The following PALB2 variants were observed in gnomAD, a reference collection of about 807,000 sequenced individuals.
The protein encoded by PALB2 is mutant partner and localizer of BRCA2.
PALB2 carries 82 observed loss-of-function variants against 107.4 expected under a neutral mutation model. The observed-to-expected ratio is 0.76, with a 90% CI of 0.64 to 0.92. The LOEUF (loss-of-function observed/expected upper bound fraction) is 0.92. Among genes scored for constraint, PALB2 ranks in the 40% least tolerant of loss-of-function variants. The pLI is 0.00. For missense variants in PALB2, 1,374 were observed against 1,379.9 expected, an observed-to-expected ratio of 1.00 and a Z score of 0.07; for synonymous variants, 489 against 496.8, an observed-to-expected ratio of 0.98 and a Z score of 0.21.
rs567596173 is a variant in PALB2 at position 23,640,530 on chromosome 16, G to A, written c.48+580C>T. 6 of 225,190 alleles carry A rather than the reference G, an allele frequency of 2.7e-5. No individual in the cohort carries two copies. In the East Asian group the frequency reaches 3.8e-4, roughly 14 times the overall value. 13.9% of individuals were successfully genotyped at this position (225,190 alleles called of 1,614,324 possible). ...AAAAAGAAGAAAAACAGAAAAGGAAGAAAAAAGAAACAAAACGAGGGCACT... is the reference window on the plus strand; with the variant it reads ...AAAAAGAAGAAAAACAGAAAAGGAAAAAAAAAGAAACAAAACGAGGGCACT... On this transcript the variant is annotated intron_variant, in intron 1 of 12. Coordinates refer to ENST00000261584, the MANE Select transcript of PALB2 (RefSeq NM_024675.4).
At chr16:23,614,949 C>CTT (rs1288431746) in intron 10 of PALB2, among the ~76,000 whole-genome samples, 13 of 104,728 alleles carry the variant, frequency 1.2e-4, no homozygotes, top group African/African-American at 1.8e-4. Context: ...CGCGCCTGGC[C>CTT]TTTTTTTTTT....
At chr16:23,626,438 T>G (rs1306592016) in intron 6 of PALB2, 41 bp from the exon 7 acceptor site, 1 of 1,605,952 alleles carries the variant, frequency 6.2e-7, no homozygotes, top group African/African-American at 1.3e-5. Flanking sequence ...GGCACTCGAG[T>G]GCTGTTTTAT....
Position 23,634,906 on chromosome 16 carries a change from G to T in PALB2, c.1640C>A (p.Thr547Asn), listed in dbSNP as rs1597095364. The T allele has an allele frequency of 6.2e-7, 1 of 1,614,078 alleles. No individual in the cohort carries two copies. The highest frequency in any genetic ancestry group is 1.7e-5 in the Admixed American group (1 of 60,006). The change falls in exon 4 of 13, where the codon ACC (threonine) becomes AAC (asparagine). Residue 547 changes from threonine to asparagine, a missense_variant. Coordinates refer to ENST00000261584, the MANE Select transcript of PALB2 (RefSeq NM_024675.4). Reference sequence around the variant, plus strand: ...TTTTTCGTGCTGATATTTGTGTGAGGTGACTTCTTCCTTGGACCTGTTAAC... The same window carrying T: ...TTTTTCGTGCTGATATTTGTGTGAGTTGACTTCTTCCTTGGACCTGTTAAC... The part of the protein sequence containing the change: ...SIVNRSKEEV[T>N]SHKYQHEKLF...
rs45464500 is a variant in PALB2, at chr16:23,623,125, A to G, written c.2840T>C (p.Leu947Ser). ...GNLEIREIRA[L>S]FCSSDDESEK... ...ACTTTCATCATCAGAGGAACAAAAC[A>G]ATGCCCTAAGCCAAATATAAGGAAA... Residue 947 changes from leucine to serine, a missense_variant, in exon 9 of 13, where the codon TTG (leucine) becomes TCG (serine). By Grantham distance (145) the Leu-to-Ser change is moderately radical (BLOSUM62 -2). Coordinates refer to ENST00000261584, the MANE Select transcript of PALB2 (RefSeq NM_024675.4). 75 of 1,613,574 alleles carry G rather than the reference A, an allele frequency of 4.6e-5. No individual in the cohort carries two copies. The highest frequency in any genetic ancestry group is 6.1e-5 in the Non-Finnish European group (72 of 1,179,754).
intron 1 of PALB2, 76 bp from the exon 2 acceptor site, chr16:23,638,205 G>T: frequency 4.2e-6 from 5 of 1,192,926 alleles, no homozygotes; most frequent in Non-Finnish European, 5.0e-6. Context: ...AGTGCTTGGC[G>T]GGGTCCCTTG....
intron 10 of PALB2, among the ~76,000 whole-genome samples, chr16:23,617,369 T>A (rs910115601): frequency 6.6e-6 from 1 of 151,916 alleles, no homozygotes; most frequent in African/African-American, 2.4e-5. Context: ...TGAGACATGG[T>A]ACCTGTCTTC....
At position 23,639,200 on chromosome 16, in the gene PALB2, G is replaced by C. The variant is rs148717962; in HGVS notation, c.49-1071C>G. Among the ~76,000 whole-genome samples the C allele has an allele frequency of 2.6e-3, 396 of 152,062 alleles. 1 individual carries two copies. Among genetic ancestry groups the C allele is most frequent in the African/African-American group, 8.7e-3 (360 of 41,474 alleles). ...CATCTTTCAACCAACAAAACATCAAGATTTCCATCCTCCATACATGCCTTT... is the reference window on the plus strand; with the variant it reads ...CATCTTTCAACCAACAAAACATCAACATTTCCATCCTCCATACATGCCTTT... On this transcript the variant is annotated intron_variant, in intron 1 of 12. Coordinates refer to ENST00000261584, the MANE Select transcript of PALB2 (RefSeq NM_024675.4).
chr16:23,614,390 T>C (rs977497470), intron 10 of PALB2, among the ~76,000 whole-genome samples: 1 of 152,250 alleles, frequency 6.6e-6, no homozygotes, highest in East Asian at 1.9e-4. Context: ...ATCAGGCACA[T>C]GGTATAGCAG....
intron 12 of PALB2, 152 bp downstream of exon 12, chr16:23,607,712 T>A: frequency 1.0e-6 from 1 of 969,100 alleles, no homozygotes; most frequent in Non-Finnish European, 1.6e-6. Flanking sequence ...TCAAGTCCAC[T>A]AATCTTCATC....
rs746872839 is a variant in PALB2 at position 23,621,402 on chromosome 16, C to T, written c.3073G>A (p.Ala1025Thr). 24 of 1,614,080 alleles carry T rather than the reference C, an allele frequency of 1.5e-5. No individual in the cohort carries two copies. The highest frequency in any genetic ancestry group is 1.9e-5 in the Non-Finnish European group (23 of 1,179,978). Residue 1025 changes from alanine (A) to threonine (T), a missense_variant, in exon 10 of 13, where the codon GCT becomes ACT. Physicochemically the swap from Ala to Thr is moderately conservative, Grantham distance 58. Coordinates refer to ENST00000261584, the MANE Select transcript of PALB2 (RefSeq NM_024675.4). ...TTCATAATAGTAGTACCAAGCAGAG[C>T]TTCTTGCATCCCTTGGACCTCAGCA... is the stretch of plus-strand genomic sequence containing the variant. ...TFAEVQGMQE[A>T]LLGTTIMNNI... is the part of the protein sequence containing the mutation.
chr16:23,616,640 C>G (rs811892), intron 10 of PALB2, among the ~76,000 whole-genome samples: 7,719 of 152,002 alleles, frequency 0.051, 279 homozygotes, highest in East Asian at 0.17. Context: ...GCATCTCTCA[C>G]AGAGAATGGG....
At position 23,636,303 on chromosome 16, in the gene PALB2, C is replaced by T. The variant is rs1060502775; in HGVS notation, c.243G>A (p.Lys81=). The T allele has an allele frequency of 6.2e-7, 1 of 1,612,712 alleles. No homozygotes were observed. The highest frequency in any genetic ancestry group is 8.5e-7 in the Non-Finnish European group (1 of 1,179,318). ...CATCAAGATGGGTTTTGATGTGTAACTTGTCATAAACACATATTTTATTTT... is the reference window on the plus strand; with the variant it reads ...CATCAAGATGGGTTTTGATGTGTAATTTGTCATAAACACATATTTTATTTT... ...EPKNKICVYD[K]LHIKTHLDEE... The change falls in exon 4 of 13, where the codon AAG becomes AAA. Residue 81 remains lysine (K), a synonymous_variant. Coordinates refer to ENST00000261584, the MANE Select transcript of PALB2 (RefSeq NM_024675.4).
rs188273089 is a variant in PALB2, at chr16:23,629,352, T to C, written c.2515-77A>G. On this transcript the variant is annotated intron_variant, in intron 5 of 12. Coordinates refer to ENST00000261584, the MANE Select transcript of PALB2 (RefSeq NM_024675.4). ...CCTGCATTACCCACTCATCAAAATGTCTACTTCGTATTGTCTTTATTTCCT... is the reference window on the plus strand; with the variant it reads ...CCTGCATTACCCACTCATCAAAATGCCTACTTCGTATTGTCTTTATTTCCT... 143 of 1,290,016 alleles carry C rather than the reference T, an allele frequency of 1.1e-4. 1 individual carries two copies. The African/African-American group carries it at 2.0e-3, about 18-fold the overall frequency. 79.9% of individuals were successfully genotyped at this position (1,290,016 alleles called of 1,614,324 possible).
At chr16:23,608,098 A>AAAC in intron 11 of PALB2, 86 bp from the exon 12 acceptor site, 1 of 1,420,840 alleles carries the variant, frequency 7.0e-7, no homozygotes, top group Non-Finnish European at 9.8e-7. Flanking sequence ...CAAAAACCAA[A>AAAC]CAATTAAAGC....
chr16:23,629,685 G>C lies in PALB2; in HGVS notation c.2469C>G (p.Leu823=), dbSNP rs515726087. The change falls in exon 5 of 13, where the codon CTC becomes CTG. Residue 823 remains leucine, a synonymous_variant. Transcript: ENST00000261584. ...IESFTFKENQ[L]CRNTCQELHK... Reference sequence around the variant, plus strand: ...GCAGCTCCTGGCATGTGTTTCTACAGAGCTGATTTTCTTTAAAAGTGAATG... The same window carrying C: ...GCAGCTCCTGGCATGTGTTTCTACACAGCTGATTTTCTTTAAAAGTGAATG... 6 of 1,614,212 alleles carry C rather than the reference G, an allele frequency of 3.7e-6. No individual in the cohort carries two copies. Among genetic ancestry groups the C allele is most frequent in the Non-Finnish European group, 8.5e-7 (1 of 1,180,042 alleles).
At chr16:23,612,720 G>T (rs932621243) in intron 11 of PALB2, among the ~76,000 whole-genome samples, 4 of 151,310 alleles carry the variant, frequency 2.6e-5, no homozygotes, top group Non-Finnish European at 4.4e-5. Context: ...TAGTGATGGG[G>T]TTTTGCCACA....
In PALB2 at chr16:23,629,902, G is replaced by A. The variant is rs765558283; in HGVS notation, c.2252C>T (p.Ala751Val). ...TTGGGGTGTGCAGCAAGTTCGTCCAGCAACTTCTGTAGATGCTTTTTCATA... is the reference window on the plus strand; with the variant it reads ...TTGGGGTGTGCAGCAAGTTCGTCCAACAACTTCTGTAGATGCTTTTTCATA... The part of the protein sequence containing the change: ...GSYEKASTEV[A>V]GRTCCTPQLA... Residue 751 changes from alanine to valine, a missense_variant, in exon 5 of 13, where the codon GCT (alanine) becomes GTT (valine). Physicochemically the swap from Ala to Val is moderately conservative, Grantham distance 64 (BLOSUM62 0). Coordinates refer to ENST00000261584, the MANE Select transcript of PALB2 (RefSeq NM_024675.4). 6.2e-7 allele frequency: 1 copy of A among 1,614,168 alleles called. No individual in the cohort carries two copies. The highest frequency in any genetic ancestry group is 8.5e-7 in the Non-Finnish European group (1 of 1,180,032).
Position 23,603,308 on chromosome 16 carries a change from T to TA in PALB2, c.*150dup. 4.5e-6 allele frequency: 3 copies of TA among 661,992 alleles called. No homozygotes were observed. In the East Asian group the frequency reaches 8.2e-5, roughly 18 times the overall value. 41.0% of individuals were successfully genotyped at this position (661,992 alleles called of 1,614,324 possible). A position where few individuals can be genotyped will look rare whatever the true frequency, so the allele number is the denominator to read the frequency against. On this transcript the variant is annotated 3_prime_UTR_variant, in exon 13 of 13. Transcript: ENST00000261584. ...AATGTACATCCAAGATCAGTGGTGC[T>TA]ACCATCATTAGAATAAAAAATAAGT... is the stretch of plus-strand genomic sequence containing the variant.
Position 23,626,456 on chromosome 16 carries a change from A to G in PALB2, c.2587-59T>C, listed in dbSNP as rs371085248. 46 of 1,577,314 alleles carry G rather than the reference A, an allele frequency of 2.9e-5. No individual in the cohort carries two copies. The Middle Eastern group carries it at 1.8e-3, about 63-fold the overall frequency. ...ACTCGAGTGCTGTTTTATGCAAAGC[A>G]TAAGTATGCAAAGTGATGAATTATA... On this transcript the variant is annotated intron_variant, in intron 6 of 12. Coordinates refer to ENST00000261584, the MANE Select transcript of PALB2 (RefSeq NM_024675.4).
Sources: allele counts gnomAD v4.1 joint callset (sites outside exome capture counted in the v4.1 genomes callset), GRCh38; gene constraint gnomAD v4.1.1; transcripts MANE v1.5; gene names NCBI Gene and HGNC (gene_info 2026-07-23, HGNC 2026-07-21).